OVCH1: variants seen among roughly 807,000 people sequenced by gnomAD.
OVCH1 encodes the protein ovochymase 1.
In OVCH1, 139 loss-of-function variants were observed where a neutral mutation model predicts 138.4. The ratio of observed to expected loss-of-function variants is 1.00; its 90% confidence interval spans 0.87 to 1.16. The LOEUF (loss-of-function observed/expected upper bound fraction) is 1.16, where lower values mean the gene tolerates loss of function less well. OVCH1 is among the 50% of genes most tolerant of loss of function. The pLI, the probability that OVCH1 is intolerant of heterozygous loss-of-function variation, is 0.00. For missense variants in OVCH1, 1,367 were observed against 1,357.9 expected, an observed-to-expected ratio of 1.01 and a Z score of -0.11; for synonymous variants, 453 against 467.8, an observed-to-expected ratio of 0.97 and a Z score of 0.41.
At chr12:29,488,006 C>T (rs1337187859) in intron 6 of OVCH1, 124 bp from the exon 7 acceptor site, 3 of 856,684 alleles carry the variant, frequency 3.5e-6, no homozygotes, top group Non-Finnish European at 5.2e-6. Context: ...GTCCACTAGT[C>T]ATCGTCCATC....
intron 1 of OVCH1, among the ~76,000 whole-genome samples, chr12:29,497,122 A>G (rs1247273910): frequency 1.3e-5 from 2 of 152,168 alleles, no homozygotes; most frequent in Non-Finnish European, 2.9e-5. Flanking sequence ...TGTAAAAATT[A>G]GCCAAGTGTG....
chr12:29,491,125 T>C, exon 5 of OVCH1: 1 of 1,613,776 alleles, frequency 6.2e-7, no homozygotes, highest in Non-Finnish European at 8.5e-7. Context: ...ATCCACTGGA[T>C]AAGCAAAGAA....
In OVCH1 at chr12:29,451,468, T is replaced by A. The variant is rs1358598445; in HGVS notation, c.2632A>T (p.Arg878Ter). The stretch of plus-strand genomic sequence containing the variant: ...TTTGCCATACTGCTTGCTGAAACTC[T>A]GAGCACCCAAGAACATTCCAGTCTT... Residue 878 changes from arginine (R) to a stop codon, truncating the protein, a stop_gained, in exon 22 of 28, where the codon AGA becomes TGA. Transcript: ENST00000318184. LOFTEE classifies it high-confidence loss of function. The A allele has an allele frequency of 6.2e-7, 1 of 1,613,428 alleles. No individual in the cohort carries two copies. Among genetic ancestry groups the A allele is most frequent in the Admixed American group, 1.7e-5 (1 of 59,868 alleles).
At chr12:29,415,286 C>T (rs1436316) in intron 3 of OVCH1, among the ~76,000 whole-genome samples, 46,319 of 152,010 alleles carry the variant, frequency 0.3, 8,510 homozygotes, top group Middle Eastern at 0.52. Flanking sequence ...TTTGTAATGA[C>T]GACTGTGGAT....
rs1054234474 is a variant in OVCH1, at chr12:29,477,091, C to T, written c.1377+11G>A. Reference sequence around the variant, plus strand: ...TTCTTTATGAGGTAGAGCGATTCCTCAGTTGCCTACCTTTATAATGTGCTT... The same window carrying T: ...TTCTTTATGAGGTAGAGCGATTCCTTAGTTGCCTACCTTTATAATGTGCTT... On this transcript the variant is annotated intron_variant, in intron 12 of 27. Coordinates refer to ENST00000318184, the Ensembl canonical transcript of OVCH1. 1.9e-6 allele frequency: 3 copies of T among 1,589,218 alleles called. No homozygotes were observed. The highest frequency in any genetic ancestry group is 3.6e-5 in the Admixed American group (2 of 56,254).
intron 26 of OVCH1, among the ~76,000 whole-genome samples, chr12:29,437,753 T>C (rs182028124): frequency 1.1e-4 from 16 of 152,334 alleles, no homozygotes; most frequent in African/African-American, 3.6e-4. Flanking sequence ...TCAGTAACCT[T>C]TCTTATCTAT....
chr12:29,449,172 C>T (rs1256973001), intron 22 of OVCH1, among the ~76,000 whole-genome samples: 3 of 151,858 alleles, frequency 2.0e-5, no homozygotes, highest in African/African-American at 7.3e-5. Context: ...CTATTTTTAA[C>T]CATCTTCTGA....
intron 27 of OVCH1, chr12:29,430,929 C>T (rs770297894): frequency 1.2e-5 from 6 of 517,522 alleles, no homozygotes; most frequent in East Asian, 5.5e-5. Flanking sequence ...CAGAGTACCC[C>T]TGTGAGTCCA....
At chr12:29,445,917 T>C (rs959913548) in intron 22 of OVCH1, among the ~76,000 whole-genome samples, 3 of 152,126 alleles carry the variant, frequency 2.0e-5, no homozygotes, top group Non-Finnish European at 4.4e-5. Flanking sequence ...AAAGAACCTG[T>C]GAGTTTCTTA....
At chr12:29,490,641 AT>A (rs1943248409) in intron 5 of OVCH1, among the ~76,000 whole-genome samples, 1 of 152,186 alleles carries the variant, frequency 6.6e-6, no homozygotes, top group Non-Finnish European at 1.5e-5. Context: ...CATGCAGTAT[AT>A]TGGATTTCCA....
rs1372375437 is a variant in OVCH1, at chr12:29,443,631, T to A, written c.3018-131A>T. 6.4e-6 allele frequency: 6 copies of A among 935,236 alleles called. No individual in the cohort carries two copies. The East Asian group carries it at 1.7e-4, about 26-fold the overall frequency. 57.9% of individuals were successfully genotyped at this position (935,236 alleles called of 1,614,324 possible). On this transcript the variant is annotated intron_variant, in intron 24 of 27. Transcript: ENST00000318184. ...CTTATTTTTTGTGTCTGTTTCCTTA[T>A]GGTTGTGAGAGAGAAAGATTTGTAC...
chr12:29,489,666 G>A (rs1943221082), exon 6 of OVCH1: 1 of 1,609,254 alleles, frequency 6.2e-7, no homozygotes. Context: ...ACACAGCATG[G>A]TCCTTCCCAG....
chr12:29,430,455 G>A (rs1941248911), intron 27 of OVCH1, among the ~76,000 whole-genome samples: 1 of 152,154 alleles, frequency 6.6e-6, no homozygotes, highest in Non-Finnish European at 1.5e-5. Flanking sequence ...GTGTGTCTGA[G>A]CTCAGACTCT....
chr12:29,403,908 A>G, the OVCH1 span, among the ~76,000 whole-genome samples: 1 of 152,254 alleles, frequency 6.6e-6, no homozygotes, highest in Non-Finnish European at 1.5e-5. Context: ...TATTCAAAAT[A>G]TACAGCATAC....
At chr12:29,457,502 C>T (rs1298565381) in intron 19 of OVCH1, among the ~76,000 whole-genome samples, 1 of 135,164 alleles carries the variant, frequency 7.4e-6, no homozygotes, top group African/African-American at 2.8e-5. Context: ...CTCCTGGTTT[C>T]AAGCGATTTT....
At chr12:29,432,553 G>T (rs888722662) in intron 27 of OVCH1, among the ~76,000 whole-genome samples, 8 of 152,106 alleles carry the variant, frequency 5.3e-5, no homozygotes, top group Non-Finnish European at 1.0e-4. Context: ...TGTTAAGTTT[G>T]AGATTCTTAT....
chr12:29,462,025 CAG>C lies in OVCH1; in HGVS notation c.2126-19_2126-18del. On this transcript the variant is annotated intron_variant, in intron 18 of 27. Transcript: ENST00000318184. ...GGCCACCATCTAATGAAGAAACATT[CAG>C]AGAGAGCTCGATGATGAAGTAAGCA... 1.9e-6 allele frequency: 3 copies of C among 1,607,174 alleles called. No homozygotes were observed. The highest frequency in any genetic ancestry group is 2.6e-6 in the Non-Finnish European group (3 of 1,174,734).
intron 8 of OVCH1, among the ~76,000 whole-genome samples, chr12:29,480,108 C>T (rs561516627): frequency 6.6e-6 from 1 of 152,284 alleles, no homozygotes; most frequent in East Asian, 1.9e-4. Flanking sequence ...AGGTGTGAGC[C>T]ACCATGCCCA....
intron 13 of OVCH1, 26 bp from the exon 14 acceptor site, chr12:29,475,215 T>C (rs1942663162): frequency 2.2e-6 from 3 of 1,382,856 alleles, no homozygotes; most frequent in Non-Finnish European, 2.8e-6. Flanking sequence ...GAAAGTTTGA[T>C]TTATAGTTAT....
Sources: gnomAD v4.1 joint callset for allele counts (sites outside exome capture counted in the v4.1 genomes callset) on GRCh38, gnomAD v4.1.1 for gene constraint, MANE v1.5 for transcripts, NCBI Gene and HGNC (gene_info 2026-07-23, HGNC 2026-07-21) for gene names.